CNTRL: variants seen among roughly 807,000 people sequenced by gnomAD.
CNTRL encodes the protein centriolin.
Under a neutral mutation model 303.7 loss-of-function variants are expected in CNTRL, and 233 were observed. The ratio of observed to expected loss-of-function variants is 0.77; its 90% confidence interval spans 0.69 to 0.86. The LOEUF (loss-of-function observed/expected upper bound fraction) is 0.86, where lower values mean the gene tolerates loss of function less well. Ranked by LOEUF, CNTRL falls within the 40% of genes least tolerant of loss-of-function variation. The probability of loss-of-function intolerance (pLI) is 0.00; values close to 1 mark genes in which losing one functional copy is unlikely to be tolerated. For synonymous variants in CNTRL, 900 were observed against 922.2 expected (o/e 0.98, Z 0.44); for missense variants, 2,524 against 2,650.6 (o/e 0.95, Z 1.05).
At chr9:121,153,438 C>T (rs542334560) in intron 26 of CNTRL, among the ~76,000 whole-genome samples, 3 of 152,168 alleles carry the variant, frequency 2.0e-5, no homozygotes, top group Admixed American at 6.5e-5. Flanking sequence ...TCCCTGCTGA[C>T]CCCCTTACCT....
chr9:121,119,250 G>A (rs762452457), intron 12 of CNTRL, among the ~76,000 whole-genome samples: 9 of 151,126 alleles, frequency 6.0e-5, no homozygotes, highest in Non-Finnish European at 1.5e-5. Context: ...GAGCAAGGGA[G>A]ATTTGCTCCT....
At chr9:121,161,537 G>T in intron 32 of CNTRL, 1 of 335,184 alleles carries the variant, frequency 3.0e-6, no homozygotes, top group Non-Finnish European at 5.4e-6. Flanking sequence ...ATATAGAGAT[G>T]GGATCTTGCT....
intron 4 of CNTRL, among the ~76,000 whole-genome samples, chr9:121,094,533 G>T (rs2048808190): frequency 6.6e-6 from 1 of 152,156 alleles, no homozygotes; most frequent in Non-Finnish European, 1.5e-5. Flanking sequence ...GCTTTGGAGG[G>T]GACACTAAAA....
At chr9:121,129,663 A>G (rs1171319090) in intron 14 of CNTRL, among the ~76,000 whole-genome samples, 1 of 152,206 alleles carries the variant, frequency 6.6e-6, no homozygotes. Flanking sequence ...CGGAACTTCC[A>G]ACACTATGTT....
intron 23 of CNTRL, among the ~76,000 whole-genome samples, chr9:121,147,576 G>A (rs933190399): frequency 3.3e-5 from 5 of 152,158 alleles, no homozygotes; most frequent in African/African-American, 7.2e-5. Flanking sequence ...AAAGAGAAAT[G>A]GTTAGGGCCT....
chr9:121,096,253 G>A (rs1049964593), intron 5 of CNTRL, among the ~76,000 whole-genome samples, 169 bp from the exon 6 acceptor site: 6 of 152,146 alleles, frequency 3.9e-5, no homozygotes, highest in Non-Finnish European at 8.8e-5. Context: ...AGCTGTTCTG[G>A]TAAATTTGGC....
chr9:121,122,855 G>C (rs1014336574), intron 12 of CNTRL, among the ~76,000 whole-genome samples: 2 of 152,108 alleles, frequency 1.3e-5, no homozygotes, highest in African/African-American at 4.8e-5. Context: ...GTGTGTGAAA[G>C]CTCTGTTTTC....
intron 1 of CNTRL, among the ~76,000 whole-genome samples, chr9:121,079,604 C>G (rs2048061334): frequency 6.6e-6 from 1 of 152,076 alleles, no homozygotes; most frequent in South Asian, 2.1e-4. Context: ...GGAATATTTG[C>G]TTTATACTTG....
At chr9:121,106,076 C>T (rs1369611096) in intron 7 of CNTRL, among the ~76,000 whole-genome samples, 2 of 152,088 alleles carry the variant, frequency 1.3e-5, no homozygotes, top group Admixed American at 6.6e-5. Flanking sequence ...TAGCTGTTCA[C>T]ACCTGTAATC....
rs1205622818 is a variant in CNTRL at position 121,093,803 on chromosome 9, T to G, written c.349-1085T>G. ...TGTTGGAAAATGACTGCTTTTAAAC[T>G]TGAGGGGAAGATCCAGGAGGGAGAA... On this transcript the variant is annotated intron_variant, in intron 4 of 43. Transcript: ENST00000373855. Among the ~76,000 whole-genome samples the G allele has an allele frequency of 2.0e-5, 3 of 152,056 alleles. No homozygotes were observed. In the East Asian group the frequency reaches 5.8e-4, roughly 29 times the overall value.
chr9:121,090,078 A>G (rs535529367), intron 3 of CNTRL, among the ~76,000 whole-genome samples, 197 bp from the exon 4 acceptor site: 2 of 129,982 alleles, frequency 1.5e-5, no homozygotes, highest in South Asian at 4.3e-4. Context: ...TATTACAATC[A>G]TTACATCATT....
chr9:121,090,514 A>G, intron 4 of CNTRL, 109 bp downstream of exon 4: 2 of 1,013,914 alleles, frequency 2.0e-6, no homozygotes, highest in Non-Finnish European at 2.8e-6. Flanking sequence ...CAGACCTTTT[A>G]TTGTTTCCAG....
Position 121,175,214 on chromosome 9 carries a change from G to T in CNTRL, c.6944G>T (p.Gly2315Val), listed in dbSNP as rs540832286. 1.5e-5 allele frequency: 24 copies of T among 1,613,796 alleles called. No individual in the cohort carries two copies. The highest frequency in any genetic ancestry group is 1.9e-5 in the Non-Finnish European group (23 of 1,179,954). ...ESSLTEDSQL[G>V]QNQEKNASAR ...TCCCTCACAGAGGACTCTCAACTTG[G>T]ACAAAATCAGGTAAGCAGCAGCTCT... The change falls in exon 43 of 44, where the codon GGA becomes GTA. Residue 2315 changes from glycine to valine, a missense_variant. Gly to Val is a moderately radical substitution (Grantham distance 109). Transcript: ENST00000373855.
At chr9:121,082,640 G>A (rs1317245309) in intron 2 of CNTRL, among the ~76,000 whole-genome samples, 1 of 152,108 alleles carries the variant, frequency 6.6e-6, no homozygotes. Flanking sequence ...GAATACTTTA[G>A]GCAGTTGTAG....
chr9:121,077,077 TTG>T (rs2047954481), intron 1 of CNTRL, among the ~76,000 whole-genome samples: 1 of 152,026 alleles, frequency 6.6e-6, no homozygotes, highest in South Asian at 2.1e-4. Flanking sequence ...ATGGACTGAA[TTG>T]TTAGATCAGA....
chr9:121,123,433 A>G (rs2133437420), intron 12 of CNTRL, among the ~76,000 whole-genome samples: 2 of 152,204 alleles, frequency 1.3e-5, no homozygotes, highest in African/African-American at 4.8e-5. Context: ...AAAACAACAA[A>G]AAGTAAAAAC....
rs1156844315 is a variant in CNTRL, at chr9:121,144,970, G to A, written c.3168+11G>A. 6.3e-7 allele frequency: 1 copy of A among 1,592,414 alleles called. No individual in the cohort carries two copies. Among genetic ancestry groups the A allele is most frequent in the East Asian group, 2.2e-5 (1 of 44,656 alleles). ...CAGAAGGGGGAGCAGGTCAGTGTTG[G>A]TACCCAGAGACCTCCTCTTTCTCAG... is the stretch of plus-strand genomic sequence containing the variant. On this transcript the variant is annotated intron_variant, in intron 21 of 43. Coordinates refer to ENST00000373855, the MANE Select transcript of CNTRL (RefSeq NM_007018.6).
chr9:121,173,046 A>C (rs1269283911), intron 40 of CNTRL, among the ~76,000 whole-genome samples, 197 bp from the exon 41 acceptor site: 4 of 152,258 alleles, frequency 2.6e-5, no homozygotes, highest in Admixed American at 1.3e-4. Flanking sequence ...AAGTTGTTCC[A>C]GTTAAAATGC....
chr9:121,172,921 T>C (rs919625216), intron 40 of CNTRL, among the ~76,000 whole-genome samples: 1 of 152,214 alleles, frequency 6.6e-6, no homozygotes, highest in Admixed American at 6.5e-5. Flanking sequence ...TGCCCTGTCA[T>C]ACTGGTAATA....
Sources: gnomAD v4.1 joint callset for allele counts (sites outside exome capture counted in the v4.1 genomes callset) on GRCh38, gnomAD v4.1.1 for gene constraint, MANE v1.5 for transcripts, NCBI Gene and HGNC (gene_info 2026-07-23, HGNC 2026-07-21) for gene names.